The following XIRP2 variants were observed in gnomAD, a reference collection of about 807,000 sequenced individuals.
The protein encoded by XIRP2 is xin actin binding repeat containing 2.
Under a neutral mutation model 277.0 loss-of-function variants are expected in XIRP2, and 236 were observed. That is an observed-to-expected ratio of 0.85 (90% CI 0.77 to 0.95). XIRP2 has a LOEUF of 0.95. Ranked by LOEUF, XIRP2 falls within the 40% of genes least tolerant of loss-of-function variation. The pLI is 0.00. For synonymous variants in XIRP2, 1,490 were observed against 1,416.5 expected (o/e 1.05, Z -1.17); for missense variants, 4,640 against 4,157.5 (o/e 1.12, Z -3.19).
intron 3 of XIRP2, among the ~76,000 whole-genome samples, chr2:167,178,608 G>A (rs182687946): frequency 7.3e-5 from 11 of 151,552 alleles, no homozygotes; most frequent in South Asian, 2.1e-4. Flanking sequence ...AGTAATTTTT[G>A]TGTAGGCTAG....
Position 167,243,686 on chromosome 2 carries a change from G to C in XIRP2, c.2294G>C (p.Gly765Ala). 6.2e-7 allele frequency: 1 copy of C among 1,614,060 alleles called. No individual in the cohort carries two copies. Among genetic ancestry groups the C allele is most frequent in the Non-Finnish European group, 8.5e-7 (1 of 1,179,950 alleles). Reference sequence around the variant, plus strand: ...GTTCACAGAGAAGACGTTGAAAAGGGAGATGTAAGAACAGCACGGTGGATG... The same window carrying C: ...GTTCACAGAGAAGACGTTGAAAAGGCAGATGTAAGAACAGCACGGTGGATG... ...KTVHREDVEK[G>A]DVRTARWMFE... Residue 765 changes from glycine (G) to alanine (A), a missense_variant, in exon 9 of 11, where the codon GGA becomes GCA. Coordinates refer to ENST00000409195, the MANE Select transcript of XIRP2 (RefSeq NM_152381.6).
intron 2 of XIRP2, among the ~76,000 whole-genome samples, chr2:166,980,123 C>A (rs914105754): frequency 6.6e-6 from 1 of 151,988 alleles, no homozygotes; most frequent in African/African-American, 2.4e-5. Context: ...GCTACAAATG[C>A]CTTAGAGTTT....
chr2:166,927,377 T>C (rs1427607646), intron 2 of XIRP2, among the ~76,000 whole-genome samples: 1 of 152,168 alleles, frequency 6.6e-6, no homozygotes, highest in East Asian at 1.9e-4. Context: ...AAGTCCTACA[T>C]GAATCTCACT....
At chr2:167,180,631 C>G (rs1364597571) in intron 3 of XIRP2, among the ~76,000 whole-genome samples, 1 of 152,172 alleles carries the variant, frequency 6.6e-6, no homozygotes. Context: ...TTGAGCACAT[C>G]AAGAATGTAG....
Position 167,245,219 on chromosome 2 carries a change from G to A in XIRP2, c.3827G>A (p.Cys1276Tyr). The change falls in exon 9 of 11, where the codon TGC (cysteine) becomes TAC (tyrosine). Residue 1276 changes from cysteine to tyrosine, a missense_variant. Physicochemically the swap from Cys to Tyr is radical, Grantham distance 194 (BLOSUM62 -2). Transcript: ENST00000409195. ...CAAGGTGGGGATGTAAGAAAGGGGT[G>A]CTTTATTTTTGAGACTTTTTCTTTA... ...DIQGGDVRKG[C>Y]FIFETFSLDE... 1 of 1,613,642 alleles carries A rather than the reference G, an allele frequency of 6.2e-7. No individual in the cohort carries two copies. The highest frequency in any genetic ancestry group is 1.1e-5 in the South Asian group (1 of 91,062).
At chr2:167,175,116 G>A (rs780775559) in intron 3 of XIRP2, among the ~76,000 whole-genome samples, 1 of 152,146 alleles carries the variant, frequency 6.6e-6, no homozygotes, top group Non-Finnish European at 1.5e-5. Flanking sequence ...CCAGAGCTGA[G>A]TTCAAGTCCT....
At chr2:166,896,342 C>T (rs1205494734) in intron 1 of XIRP2, among the ~76,000 whole-genome samples, 1 of 152,066 alleles carries the variant, frequency 6.6e-6, no homozygotes, top group Non-Finnish European at 1.5e-5. Flanking sequence ...GAGATGACCG[C>T]TCCGTTTCAT....
chr2:167,103,407 T>G (rs1690537396), intron 2 of XIRP2, among the ~76,000 whole-genome samples: 1 of 152,312 alleles, frequency 6.6e-6, no homozygotes, highest in Non-Finnish European at 1.5e-5. Flanking sequence ...AGTTTTATTG[T>G]TGTTGCTCTT....
chr2:167,209,154 T>C (rs979433593), intron 3 of XIRP2, among the ~76,000 whole-genome samples: 1 of 152,230 alleles, frequency 6.6e-6, no homozygotes, highest in Non-Finnish European at 1.5e-5. Context: ...TACCATGTCT[T>C]ATTCCTTTAT....
At chr2:167,067,652 A>C (rs1184025039) in intron 2 of XIRP2, among the ~76,000 whole-genome samples, 1 of 152,170 alleles carries the variant, frequency 6.6e-6, no homozygotes, top group African/African-American at 2.4e-5. Context: ...AAAAATGCAG[A>C]CGCAGAGATC....
chr2:167,139,915 A>G (rs1187401099), intron 3 of XIRP2, among the ~76,000 whole-genome samples: 2 of 152,218 alleles, frequency 1.3e-5, no homozygotes, highest in South Asian at 2.1e-4. Flanking sequence ...TCGTCATGAT[A>G]TTGGAAGCTG....
intron 2 of XIRP2, among the ~76,000 whole-genome samples, chr2:167,042,996 G>A (rs889448862): frequency 6.6e-6 from 1 of 152,098 alleles, no homozygotes; most frequent in Non-Finnish European, 1.5e-5. Context: ...TCTGAACACA[G>A]TGCAATAAAC....
In XIRP2 at chr2:167,251,436, A is replaced by T; in HGVS notation, c.10044A>T (p.Ala3348=). 6.2e-7 allele frequency: 1 copy of T among 1,613,672 alleles called. No homozygotes were observed. Residue 3348 remains alanine, a synonymous_variant, in exon 9 of 11, where the codon GCA becomes GCT. Coordinates refer to ENST00000409195, the MANE Select transcript of XIRP2 (RefSeq NM_152381.6). ...REFEHGPVSE[A]KSNRRVYAKG... is the part of the protein sequence containing the mutation. Reference sequence around the variant, plus strand: ...TTGAGCATGGCCCAGTTTCTGAAGCAAAGTCAAATAGAAGAGTTTATGCAA... The same window carrying T: ...TTGAGCATGGCCCAGTTTCTGAAGCTAAGTCAAATAGAAGAGTTTATGCAA...
intron 2 of XIRP2, among the ~76,000 whole-genome samples, chr2:166,973,672 C>G (rs537154831): frequency 1.3e-5 from 2 of 152,122 alleles, no homozygotes; most frequent in Admixed American, 6.6e-5. Flanking sequence ...GAATCTCAGT[C>G]CCCCACCTTA....
At chr2:167,108,078 AT>A (rs1181988849) in intron 2 of XIRP2, among the ~76,000 whole-genome samples, 1 of 151,710 alleles carries the variant, frequency 6.6e-6, no homozygotes, top group African/African-American at 2.4e-5. Flanking sequence ...ACATTTTGAC[AT>A]TTAGTGCATT....
chr2:167,142,908 G>GA (rs1351274917), intron 3 of XIRP2, among the ~76,000 whole-genome samples: 1 of 151,920 alleles, frequency 6.6e-6, no homozygotes, highest in Admixed American at 6.6e-5. Context: ...CAGTGATTTT[G>GA]AAAAAATGGA....
chr2:167,005,968 T>A (rs1687494201), intron 2 of XIRP2, among the ~76,000 whole-genome samples: 1 of 151,752 alleles, frequency 6.6e-6, no homozygotes, highest in South Asian at 2.1e-4. Context: ...CACATCAGAA[T>A]CATAACTCTT....
chr2:166,893,352 C>A (rs1684157914), intron 1 of XIRP2, among the ~76,000 whole-genome samples: 1 of 152,034 alleles, frequency 6.6e-6, no homozygotes, highest in Non-Finnish European at 1.5e-5. Context: ...TCCCAATACA[C>A]CAAAAAAATT....
intron 2 of XIRP2, among the ~76,000 whole-genome samples, chr2:167,049,332 A>T (rs1688862125): frequency 6.6e-6 from 1 of 151,908 alleles, no homozygotes; most frequent in Admixed American, 6.6e-5. Context: ...TTAGTTTACT[A>T]GCAATTGAAA....
Sources: gnomAD v4.1 joint callset for allele counts (sites outside exome capture counted in the v4.1 genomes callset) on GRCh38, gnomAD v4.1.1 for gene constraint, MANE v1.5 for transcripts, NCBI Gene and HGNC (gene_info 2026-07-23, HGNC 2026-07-21) for gene names.